SYT2: variants seen among roughly 807,000 people sequenced by gnomAD.
The protein encoded by SYT2 is synaptotagmin-2.
Under a neutral mutation model 39.9 loss-of-function variants are expected in SYT2, and 15 were observed. That is an observed-to-expected ratio of 0.38 (90% CI 0.25 to 0.58). The LOEUF (loss-of-function observed/expected upper bound fraction) is 0.58, where lower values mean the gene tolerates loss of function less well. Among genes scored for constraint, SYT2 ranks in the 20% least tolerant of loss-of-function variants. SYT2 has a pLI of 0.70. For missense variants in SYT2, 389 were observed against 530.3 expected, an observed-to-expected ratio of 0.73 and a Z score of 2.62; for synonymous variants, 181 against 204.5, an observed-to-expected ratio of 0.89 and a Z score of 0.98.
rs1420825861 is a variant in SYT2 at position 202,628,073 on chromosome 1, C to T, written c.-17-22284G>A. Among the ~76,000 whole-genome samples the T allele has an allele frequency of 1.3e-5, 2 of 152,162 alleles. No individual in the cohort carries two copies. The highest frequency in any genetic ancestry group is 6.5e-5 in the Admixed American group (1 of 15,280). ...GGGTCTAACGGGAAGATCACAAAGG[C>T]ACCGGGCTCAGAGGTGGGTGCCGGG... On this transcript the variant is annotated intron_variant, in intron 1 of 8. Coordinates refer to ENST00000367268, the MANE Select transcript of SYT2 (RefSeq NM_177402.5). The surrounding 1 kb of genome is among the most constrained non-coding windows in gnomAD (Gnocchi z 4.2).
Position 202,603,000 on chromosome 1 carries a change from TG to T in SYT2, c.463del (p.Gln155SerfsTer46). On this transcript the variant is annotated frameshift_variant and splice_region_variant, in exon 4 of 9. Coordinates refer to ENST00000367268, the MANE Select transcript of SYT2 (RefSeq NM_177402.5). LOFTEE classifies it high-confidence loss of function. Reference sequence around the variant, plus strand: ...CTGCCCCCCCACAGCCCTGCATACCTGATTAGCCTGAAAATCATAGTCCAGG... The same window carrying T: ...CTGCCCCCCCACAGCCCTGCATACCTATTAGCCTGAAAATCATAGTCCAGG... The part of the protein sequence containing the change: ...FSLDYDFQAN[Q>X]LTVGVLQAAE... 6.3e-7 allele frequency: 1 copy of T among 1,584,218 alleles called. No individual in the cohort carries two copies. Among genetic ancestry groups the T allele is most frequent in the Non-Finnish European group, 8.6e-7 (1 of 1,162,104 alleles).
At chr1:202,606,519 C>T (rs1690714322) in intron 1 of SYT2, among the ~76,000 whole-genome samples, 1 of 152,156 alleles carries the variant, frequency 6.6e-6, no homozygotes, top group Admixed American at 6.5e-5. Flanking sequence ...CCTCCTGCCC[C>T]GCGAGACTCC....
At chr1:202,638,523 C>T (rs952698397) in intron 1 of SYT2, among the ~76,000 whole-genome samples, 1 of 152,178 alleles carries the variant, frequency 6.6e-6, no homozygotes, top group African/African-American at 2.4e-5. Flanking sequence ...TTCCATTTCT[C>T]CAGGGAGCTG....
At chr1:202,627,677 T>G (rs896450355) in intron 1 of SYT2, 2 of 973,608 alleles carry the variant, frequency 2.1e-6, no homozygotes, top group African/African-American at 3.5e-5. Context: ...GACCAGGAGT[T>G]GTCTGCCTTA....
chr1:202,648,523 C>T (rs1692133363), intron 1 of SYT2, among the ~76,000 whole-genome samples: 3 of 152,156 alleles, frequency 2.0e-5, no homozygotes, highest in African/African-American at 7.2e-5. Flanking sequence ...AAAATACATA[C>T]TGGTTATTTA....
Position 202,602,025 on chromosome 1 carries a change from C to T in SYT2, c.666G>A (p.Leu222=). 1 of 1,614,154 alleles carries T rather than the reference C, an allele frequency of 6.2e-7. No homozygotes were observed. Among genetic ancestry groups the T allele is most frequent in the Non-Finnish European group, 8.5e-7 (1 of 1,180,022 alleles). ...VPYQELGGKT[L]VMAIYDFDRF... ...GGTCAAAGTCATAGATGGCCATCAC[C>T]AGAGTTTTGCCCCCAAGCTCCTGGT... The change falls in exon 6 of 9, where the codon CTG becomes CTA. Residue 222 remains leucine, a synonymous_variant. Transcript: ENST00000367268.
chr1:202,603,230 CTG>C, intron 3 of SYT2, 112 bp from the exon 4 acceptor site: 7 of 1,428,054 alleles, frequency 4.9e-6, no homozygotes, highest in Middle Eastern at 2.1e-4. Flanking sequence ...TGACTCAGAG[CTG>C]TGTGTGGTGG....
chr1:202,678,537 A>T (rs1253415329), intron 1 of SYT2, among the ~76,000 whole-genome samples: 1 of 151,982 alleles, frequency 6.6e-6, no homozygotes, highest in East Asian at 1.9e-4. Flanking sequence ...TCCTGTTTTC[A>T]TACGGCTCCC....
At chr1:202,635,699 C>G (rs1049681437) in intron 1 of SYT2, among the ~76,000 whole-genome samples, 1 of 152,216 alleles carries the variant, frequency 6.6e-6, no homozygotes, top group Non-Finnish European at 1.5e-5. Context: ...GGTGGGAAGT[C>G]TGTAGGACAG....
chr1:202,639,316 G>A lies in SYT2; in HGVS notation c.-17-33527C>T, dbSNP rs539336041. 3.9e-4 allele frequency among the ~76,000 whole-genome samples: 59 copies of A among 152,294 alleles called. 1 individual carries two copies. The highest frequency in any genetic ancestry group is 1.3e-3 in the African/African-American group (53 of 41,564). ...TGCTGCAGTCAAGGCATTTTACCTT[G>A]TGCTCTGATTTTAGAAAAGATGGAA... On this transcript the variant is annotated intron_variant, in intron 1 of 8. Transcript: ENST00000367268.
intron 1 of SYT2, among the ~76,000 whole-genome samples, chr1:202,607,771 G>A (rs1307957417): frequency 6.6e-6 from 1 of 152,176 alleles, no homozygotes; most frequent in Non-Finnish European, 1.5e-5. Context: ...GATGGGTCCG[G>A]TTTGGCGGGA....
chr1:202,599,363 G>A lies in SYT2; in HGVS notation c.920-12C>T. 6.3e-7 allele frequency: 1 copy of A among 1,582,220 alleles called. No individual in the cohort carries two copies. The highest frequency in any genetic ancestry group is 8.6e-7 in the Non-Finnish European group (1 of 1,169,538). On this transcript the variant is annotated splice_polypyrimidine_tract_variant and intron_variant, in intron 7 of 8. Coordinates refer to ENST00000367268, the MANE Select transcript of SYT2 (RefSeq NM_177402.5). This position sits in a 1 kb window ranked among gnomAD's most constrained non-coding sequence, Gnocchi z 4.4. ...CTTCACGTACGGGTCTGCGGAGGGA[G>A]AATCCCAACCCCAGAGAGGTTCCCC...
At chr1:202,663,154 G>A (rs1274390356) in intron 1 of SYT2, among the ~76,000 whole-genome samples, 1 of 152,198 alleles carries the variant, frequency 6.6e-6, no homozygotes, top group Non-Finnish European at 1.5e-5. Context: ...GCCCTTTCAT[G>A]GCTAACAAGA....
chr1:202,641,527 G>T (rs1349434903), intron 1 of SYT2, among the ~76,000 whole-genome samples: 2 of 152,198 alleles, frequency 1.3e-5, no homozygotes, highest in African/African-American at 4.8e-5. Flanking sequence ...ACTGGGACTC[G>T]TCCGCAACAC....
chr1:202,701,974 C>T (rs1025452019), intron 1 of SYT2, among the ~76,000 whole-genome samples: 1 of 152,258 alleles, frequency 6.6e-6, no homozygotes, highest in African/African-American at 2.4e-5. Context: ...CACACACACG[C>T]TGCTTCAGTT....
chr1:202,617,713 C>G (rs1422247922), intron 1 of SYT2, among the ~76,000 whole-genome samples: 1 of 152,150 alleles, frequency 6.6e-6, no homozygotes, highest in African/African-American at 2.4e-5. Context: ...CACCTGCTTT[C>G]CCAGCTCTCC....
intron 1 of SYT2, among the ~76,000 whole-genome samples, chr1:202,665,517 G>A (rs560521782): frequency 6.6e-6 from 1 of 152,206 alleles, no homozygotes; most frequent in Non-Finnish European, 1.5e-5. Context: ...TTGGAGCTCT[G>A]ACTCCTGGGC....
At position 202,600,401 on chromosome 1, in the gene SYT2, A is replaced by G; in HGVS notation, c.875T>C (p.Leu292Pro). The G allele has an allele frequency of 6.2e-7, 1 of 1,614,224 alleles. No homozygotes were observed. Among genetic ancestry groups the G allele is most frequent in the Non-Finnish European group, 8.5e-7 (1 of 1,180,042 alleles). ...CATCTTCTTGAGGTTCTTAGCCTCC[A>G]GGATGCAGACAGTGAGCTTCCCGGC... Reference protein sequence around the residue: ...PTAGKLTVCILEAKNLKKMDV... With the variant: ...PTAGKLTVCIPEAKNLKKMDV... The change falls in exon 7 of 9, where the codon CTG (leucine) becomes CCG (proline). Residue 292 changes from leucine to proline, a missense_variant. Physicochemically the swap from Leu to Pro is moderately conservative, Grantham distance 98 (BLOSUM62 -3). This residue lies in a region of SYT2 where 21 missense variants were observed against 47.0 expected (regional missense o/e 0.45). Coordinates refer to ENST00000367268, the MANE Select transcript of SYT2 (RefSeq NM_177402.5).
chr1:202,656,709 T>C (rs553010047), intron 1 of SYT2, among the ~76,000 whole-genome samples: 2 of 152,344 alleles, frequency 1.3e-5, no homozygotes, highest in Admixed American at 1.3e-4. Flanking sequence ...TAGGTAAGTT[T>C]CCTTTGTGTT....
Sources: gnomAD v4.1 joint callset for allele counts (sites outside exome capture counted in the v4.1 genomes callset) on GRCh38, gnomAD v4.1.1 for gene constraint, gnomAD v4.1.1 regional missense constraint, Gnocchi (gnomAD v3.1) non-coding constraint, MANE v1.5 for transcripts, NCBI Gene and HGNC (gene_info 2026-07-23, HGNC 2026-07-21) for gene names.